The following RORC variants were observed in gnomAD, a reference collection of about 807,000 sequenced individuals.
RORC encodes RAR related orphan receptor C.
Under a neutral mutation model 64.5 loss-of-function variants are expected in RORC, and 13 were observed. The ratio of observed to expected loss-of-function variants is 0.20; its 90% CI spans 0.13 to 0.32. The LOEUF (loss-of-function observed/expected upper bound fraction) is 0.32, where lower values mean the gene tolerates loss of function less well. Among genes scored for constraint, RORC ranks in the 10% least tolerant of loss-of-function variants. The pLI is 1.00. For synonymous variants in RORC, 277 were observed against 259.3 expected (o/e 1.07, Z -0.65); for missense variants, 468 against 669.5 (o/e 0.70, Z 3.32).
At chr1:151,812,601 A>C (rs1651585196) in intron 9 of RORC, 1 of 200,480 alleles carries the variant, frequency 5.0e-6, no homozygotes, top group African/African-American at 2.3e-5. Flanking sequence ...CCCAGGCAGC[A>C]ATAGTTTTTA....
chr1:151,822,520 C>G (rs1459871468), intron 2 of RORC, among the ~76,000 whole-genome samples: 2 of 152,212 alleles, frequency 1.3e-5, no homozygotes, highest in East Asian at 1.9e-4. Flanking sequence ...CCCGAAACCC[C>G]CTCCTGGTGC....
intron 2 of RORC, among the ~76,000 whole-genome samples, chr1:151,827,907 T>C (rs1454629194): frequency 6.6e-6 from 1 of 152,152 alleles, no homozygotes; most frequent in Non-Finnish European, 1.5e-5. Flanking sequence ...CAGTTCCTGC[T>C]GCTCCGAAAG....
At position 151,807,374 on chromosome 1, in the gene RORC, T is replaced by TC. The variant is rs1651355417; in HGVS notation, c.*97dup. On this transcript the variant is annotated 3_prime_UTR_variant, in exon 11 of 11. Transcript: ENST00000318247. The surrounding 1 kb of genome is among the most constrained non-coding windows in gnomAD (Gnocchi z 5.0). ...TCCAAAGAGCTGGTGGGGACCACCC[T>TC]CCAGGGTTCATGGGAAAGGAAAAGG... 1.5e-6 allele frequency: 2 copies of TC among 1,302,038 alleles called. No individual in the cohort carries two copies. Among genetic ancestry groups the TC allele is most frequent in the East Asian group, 4.9e-5 (2 of 41,222 alleles). 80.7% of individuals were successfully genotyped at this position (1,302,038 alleles called of 1,614,324 possible). A position where few individuals can be genotyped will look rare whatever the true frequency, so the allele number is the denominator to read the frequency against.
In RORC at chr1:151,831,271, C is replaced by T. The variant is rs1652408403; in HGVS notation, c.40+454G>A. The T allele has an allele frequency of 6.1e-6, 3 of 494,670 alleles. No individual in the cohort carries two copies. The Admixed American group carries it at 1.1e-4, about 18-fold the overall frequency. 30.6% of individuals were successfully genotyped at this position (494,670 alleles called of 1,614,324 possible). On this transcript the variant is annotated intron_variant, in intron 1 of 10. Coordinates refer to ENST00000318247, the MANE Select transcript of RORC (RefSeq NM_005060.4). The stretch of plus-strand genomic sequence containing the variant: ...ACTCCTTAAAGGACAGGTTTCTCCA[C>T]TGGTGAATGAACAGAAGGTGGAGCA...
Position 151,829,436 on chromosome 1 carries a change from G to C in RORC, c.63C>G (p.Thr21=), listed in dbSNP as rs1652323555. The C allele has an allele frequency of 6.5e-7, 1 of 1,536,274 alleles. No homozygotes were observed. The highest frequency in any genetic ancestry group is 1.4e-5 in the African/African-American group (1 of 69,460). The stretch of plus-strand genomic sequence containing the variant: ...CCCGGACCCCCTACTCACAGGTGTG[G>C]GTCTTCTTTGCAGCCAGCAGCTCTG... ...ASRELLAAKK[T]HTSQIEVIPC... is the part of the protein sequence containing the mutation. The change falls in exon 2 of 11, where the codon ACC becomes ACG. Residue 21 remains threonine, a synonymous_variant. Transcript: ENST00000318247.
chr1:151,816,621 G>A, intron 4 of RORC, 43 bp downstream of exon 4: 1 of 1,567,506 alleles, frequency 6.4e-7, no homozygotes, highest in Non-Finnish European at 8.6e-7. Context: ...TGCCCCTCTG[G>A]AGACACCAGG....
chr1:151,827,297 C>T (rs1020234814), intron 2 of RORC, among the ~76,000 whole-genome samples: 1 of 152,130 alleles, frequency 6.6e-6, no homozygotes, highest in Non-Finnish European at 1.5e-5. Flanking sequence ...GGGAGGGTTT[C>T]TCTGGTTCAA....
chr1:151,824,900 T>C (rs894962493), intron 2 of RORC, among the ~76,000 whole-genome samples: 4 of 152,236 alleles, frequency 2.6e-5, no homozygotes, highest in African/African-American at 9.6e-5. Context: ...TCCAGGGGTC[T>C]TTCCAGGACT....
intron 1 of RORC, chr1:151,831,241 C>T: frequency 1.6e-6 from 1 of 631,322 alleles, no homozygotes; most frequent in Non-Finnish European, 2.3e-6. Context: ...CTCCCCAAGT[C>T]TGTCACTCCT....
At chr1:151,819,901 G>A (rs1186448838) in intron 2 of RORC, among the ~76,000 whole-genome samples, 1 of 152,164 alleles carries the variant, frequency 6.6e-6, no homozygotes, top group Non-Finnish European at 1.5e-5. Context: ...CAAGACAGAA[G>A]TACCCAGTGA....
chr1:151,811,314 A>T lies in RORC; in HGVS notation c.1395+11T>A. The T allele has an allele frequency of 6.3e-7, 1 of 1,586,136 alleles. No homozygotes were observed. The highest frequency in any genetic ancestry group is 8.7e-7 in the Non-Finnish European group (1 of 1,154,966). On this transcript the variant is annotated intron_variant, in intron 10 of 10. Coordinates refer to ENST00000318247, the MANE Select transcript of RORC (RefSeq NM_005060.4). ...GGGCCTGGCCTCTTCTACCCCAGGG[A>T]CTGCTCCTACCTTTGCCAGGATGCT...
intron 2 of RORC, among the ~76,000 whole-genome samples, chr1:151,823,251 C>G (rs923499162): frequency 6.6e-6 from 1 of 152,108 alleles, no homozygotes; most frequent in African/African-American, 2.4e-5. Context: ...ATGACCAAAC[C>G]TAAGAAAGAT....
Position 151,807,495 on chromosome 1 carries a change from A to G in RORC, c.1534T>C (p.Ser512Pro). The change falls in exon 11 of 11, where the codon TCA becomes CCA. Residue 512 changes from serine (S) to proline (P), a missense_variant. Around this residue, in one of 5 missense-constraint regions of RORC, gnomAD observed 93 missense variants for 116.6 expected, o/e 0.80. Coordinates refer to ENST00000318247, the MANE Select transcript of RORC (RefSeq NM_005060.4). This position sits in a 1 kb window ranked among gnomAD's most constrained non-coding sequence, Gnocchi z 5.0. ...GGTCACTTGGACAGCCCCACAGGTG[A>G]CTCGGTTTCAGTGCTGAAGAGCTCC... ...YKELFSTETESPVGLSK is the reference protein window; with the variant it reads ...YKELFSTETEPPVGLSK 1 of 1,614,140 alleles carries G rather than the reference A, an allele frequency of 6.2e-7. No individual in the cohort carries two copies. The highest frequency in any genetic ancestry group is 8.5e-7 in the Non-Finnish European group (1 of 1,180,000).
chr1:151,813,563 C>T lies in RORC; in HGVS notation c.991G>A (p.Val331Met), dbSNP rs1402230582. Residue 331 changes from valine (V) to methionine (M), a missense_variant, in exon 7 of 11, where the codon GTG (valine) becomes ATG (methionine). By Grantham distance (21) the Val-to-Met change is conservative. Transcript: ENST00000318247. ...AHHLTEAIQY[V>M]VEFAKRLSGF... The stretch of plus-strand genomic sequence containing the variant: ...GAGAGCCTCTTGGCGAACTCCACCA[C>T]GTACTGAATGGCCTCGGTGAGGTGG... The T allele has an allele frequency of 1.2e-6, 2 of 1,614,086 alleles. No individual in the cohort carries two copies. The highest frequency in any genetic ancestry group is 1.3e-5 in the African/African-American group (1 of 74,944).
In RORC at chr1:151,814,477, G is replaced by A. The variant is rs188185597; in HGVS notation, c.933+97C>T. The A allele has an allele frequency of 2.0e-4, 265 of 1,342,152 alleles. No individual in the cohort carries two copies. The African/African-American group carries it at 2.9e-3, about 14-fold the overall frequency. 83.1% of individuals were successfully genotyped at this position (1,342,152 alleles called of 1,614,324 possible). ...GGCCAGCCTGTGTCTGTGATGTCCCGCCCTGCCCCAGGACCCAGTCGTGCG... is the reference window on the plus strand; with the variant it reads ...GGCCAGCCTGTGTCTGTGATGTCCCACCCTGCCCCAGGACCCAGTCGTGCG... On this transcript the variant is annotated intron_variant, in intron 6 of 10. Transcript: ENST00000318247.
rs542920715 is a variant in RORC, at chr1:151,821,756, G to A, written c.71-4476C>T. Among the ~76,000 whole-genome samples, 4 of 152,290 alleles carry A rather than the reference G, an allele frequency of 2.6e-5. No individual in the cohort carries two copies. In the South Asian group the frequency reaches 8.3e-4, roughly 32 times the overall value. ...ATGCACACCGGAGACCTGGGTAGAG[G>A]ACATGGTTATTTGGCTGTAGGGGTA... is the stretch of plus-strand genomic sequence containing the variant. On this transcript the variant is annotated intron_variant, in intron 2 of 10. Coordinates refer to ENST00000318247, the MANE Select transcript of RORC (RefSeq NM_005060.4).
At position 151,830,659 on chromosome 1, in the gene RORC, C is replaced by CACACACACACACAT. The variant is rs59443678; in HGVS notation, c.40+1065_40+1066insATGTGTGTGTGTGT. Among the ~76,000 whole-genome samples, 27,141 of 138,820 alleles carry CACACACACACACAT rather than the reference C, an allele frequency of 0.2. 3,750 individuals are homozygous for CACACACACACACAT. The highest frequency in any genetic ancestry group is 0.26 in the South Asian group (1,115 of 4,210). The allele number at this position is 138,820 out of a possible 152,430, so 91.1% of individuals were successfully genotyped here. On this transcript the variant is annotated intron_variant, in intron 1 of 10. Transcript: ENST00000318247. The surrounding 1 kb of genome is among the most constrained non-coding windows in gnomAD (Gnocchi z 4.0). ...ACACACACACACACACACACACACA[C>CACACACACACACAT]ACAGTGCCCTTCTGCCCGGGAGATG...
At chr1:151,816,013 C>A (rs1651740355) in intron 4 of RORC, among the ~76,000 whole-genome samples, 1 of 152,214 alleles carries the variant, frequency 6.6e-6, no homozygotes, top group Admixed American at 6.5e-5. Context: ...CCCTTTGCAC[C>A]CCTGCGTGCT....
intron 2 of RORC, among the ~76,000 whole-genome samples, chr1:151,818,066 G>A (rs1651839448): frequency 6.6e-6 from 1 of 152,210 alleles, no homozygotes; most frequent in Non-Finnish European, 1.5e-5. Flanking sequence ...TGAGACTAGA[G>A]ACCATCTCAT....
Sources: allele counts gnomAD v4.1 joint callset (sites outside exome capture counted in the v4.1 genomes callset), GRCh38; gene constraint gnomAD v4.1.1; regional missense constraint gnomAD v4.1.1; non-coding constraint Gnocchi (gnomAD v3.1); transcripts MANE v1.5; gene names NCBI Gene and HGNC (gene_info 2026-07-23, HGNC 2026-07-21).